COL21A1: variants seen among roughly 807,000 people sequenced by gnomAD.
COL21A1 encodes collagen alpha-1(XXI) chain.
A neutral mutation model predicts 137.9 loss-of-function variants in COL21A1; 149 were observed. The ratio of observed to expected loss-of-function variants is 1.08; its 90% CI spans 0.95 to 1.24. The LOEUF is 1.24. Among genes scored for constraint, COL21A1 ranks in the 50% most tolerant of loss-of-function variants. The pLI is 0.00. For missense variants in COL21A1, 1,167 were observed against 1,158.4 expected (o/e 1.01, Z -0.11); for synonymous variants, 456 against 391.5 (o/e 1.16, Z -1.95).
chr6:56,108,652 C>T (rs925591158), intron 16 of COL21A1, among the ~76,000 whole-genome samples: 1 of 151,744 alleles, frequency 6.6e-6, no homozygotes, highest in Non-Finnish European at 1.5e-5. Flanking sequence ...AATAATAGGA[C>T]ACTAATATAC....
intron 1 of COL21A1, among the ~76,000 whole-genome samples, chr6:56,194,997 T>A (rs530153563): frequency 1.1e-3 from 164 of 152,186 alleles, no homozygotes; most frequent in African/African-American, 3.8e-3. Context: ...AGAATAGGAA[T>A]GGGACTGGTG....
intron 9 of COL21A1, among the ~76,000 whole-genome samples, chr6:56,164,118 G>C (rs1008061455): frequency 6.6e-6 from 1 of 152,118 alleles, no homozygotes; most frequent in Non-Finnish European, 1.5e-5. Flanking sequence ...TTTTTTACCA[G>C]ATTGTAAGGA....
chr6:56,109,264 A>T (rs1024171207), intron 16 of COL21A1, among the ~76,000 whole-genome samples: 1 of 151,818 alleles, frequency 6.6e-6, no homozygotes, highest in Non-Finnish European at 1.5e-5. Flanking sequence ...GGATCTTTGA[A>T]AAAATCCAAC....
At chr6:56,234,560 A>G (rs1781784605) in intron 1 of COL21A1, among the ~76,000 whole-genome samples, 1 of 151,876 alleles carries the variant, frequency 6.6e-6, no homozygotes, top group African/African-American at 2.4e-5. Flanking sequence ...CTTCATAATC[A>G]ATACAAAAGG....
chr6:56,245,535 A>G (rs1274275126), intron 1 of COL21A1, among the ~76,000 whole-genome samples: 2 of 152,250 alleles, frequency 1.3e-5, no homozygotes, highest in Admixed American at 1.3e-4. Context: ...TGGTGTGTAT[A>G]CATGAGTTTG....
At chr6:56,127,531 C>T (rs1773145590) in intron 12 of COL21A1, among the ~76,000 whole-genome samples, 3 of 152,076 alleles carry the variant, frequency 2.0e-5, no homozygotes. Context: ...ATATAATATC[C>T]AATGGCTTCC....
chr6:56,179,821 G>A lies in COL21A1; in HGVS notation c.397C>T (p.Arg133Ter), dbSNP rs749746863. Residue 133 changes from arginine (R) to a stop codon, truncating the protein, a stop_gained, in exon 3 of 30, where the codon CGA becomes TGA. Coordinates refer to ENST00000244728, the MANE Select transcript of COL21A1 (RefSeq NM_030820.4). LOFTEE classifies it high-confidence loss of function. ...ALDYLFAKSS[R>*]FLTKIAVVLT... ...ACCACTGCTATCTTAGTCAGAAATC[G>A]TGAGGACTTGGCAAAAAGGTAATCG... 1.5e-5 allele frequency: 25 copies of A among 1,613,794 alleles called. No homozygotes were observed. Among genetic ancestry groups the A allele is most frequent in the South Asian group, 3.3e-5 (3 of 91,088 alleles).
At chr6:56,353,393 C>T (rs1361565906) in intron 1 of COL21A1, among the ~76,000 whole-genome samples, 2 of 152,124 alleles carry the variant, frequency 1.3e-5, no homozygotes, top group Non-Finnish European at 2.9e-5. Flanking sequence ...CCCACCACTT[C>T]CAGCTTCCAG....
At chr6:56,256,337 A>G (rs1163854062) in intron 1 of COL21A1, among the ~76,000 whole-genome samples, 1 of 152,182 alleles carries the variant, frequency 6.6e-6, no homozygotes, top group Non-Finnish European at 1.5e-5. Context: ...GAGATGAAAA[A>G]TACTCATCTC....
At chr6:56,358,044 T>C (rs1205189882) in intron 1 of COL21A1, among the ~76,000 whole-genome samples, 1 of 152,186 alleles carries the variant, frequency 6.6e-6, no homozygotes, top group Non-Finnish European at 1.5e-5. Context: ...TAGCTAAGCC[T>C]AATACAGCTC....
chr6:56,127,328 C>A (rs978376413), intron 12 of COL21A1, among the ~76,000 whole-genome samples: 5 of 152,128 alleles, frequency 3.3e-5, no homozygotes, highest in African/African-American at 4.8e-5. Flanking sequence ...TCAAATATGG[C>A]CATTTTAATC....
intron 1 of COL21A1, among the ~76,000 whole-genome samples, chr6:56,189,843 C>T (rs569171003): frequency 6.6e-6 from 1 of 152,236 alleles, no homozygotes; most frequent in African/African-American, 2.4e-5. Flanking sequence ...GAATTTTCAA[C>T]CCAGAATTTC....
intron 9 of COL21A1, among the ~76,000 whole-genome samples, chr6:56,158,618 C>A (rs1017536413): frequency 3.9e-5 from 6 of 151,944 alleles, no homozygotes; most frequent in African/African-American, 1.2e-4. Flanking sequence ...AAATCAGTCA[C>A]CTACCCTGTG....
At chr6:56,092,138 G>T (rs979645854) in intron 17 of COL21A1, among the ~76,000 whole-genome samples, 9 of 151,852 alleles carry the variant, frequency 5.9e-5, no homozygotes, top group Middle Eastern at 3.4e-3. Context: ...TCAAAATCTA[G>T]GCCTCAATTG....
intron 1 of COL21A1, among the ~76,000 whole-genome samples, chr6:56,338,726 C>T (rs1262933069): frequency 6.6e-6 from 1 of 152,152 alleles, no homozygotes; most frequent in African/African-American, 2.4e-5. Flanking sequence ...AAGAGATTCT[C>T]TTGGAGCCTC....
intron 1 of COL21A1, among the ~76,000 whole-genome samples, chr6:56,309,609 G>A (rs879583685): frequency 2.6e-5 from 4 of 152,306 alleles, no homozygotes; most frequent in East Asian, 1.9e-4. Flanking sequence ...CAGTGACTAT[G>A]AGCCAGGTAG....
intron 1 of COL21A1, among the ~76,000 whole-genome samples, chr6:56,202,711 TAC>T (rs1779491973): frequency 6.6e-6 from 1 of 152,316 alleles, no homozygotes; most frequent in Admixed American, 6.5e-5. Flanking sequence ...GATTGGGTTG[TAC>T]ACTATATTAC....
At chr6:56,280,212 C>T (rs1359062262) in intron 1 of COL21A1, among the ~76,000 whole-genome samples, 2 of 152,164 alleles carry the variant, frequency 1.3e-5, no homozygotes, top group Non-Finnish European at 2.9e-5. Context: ...ACAAGCTTTT[C>T]CTGTGGGATT....
intron 16 of COL21A1, among the ~76,000 whole-genome samples, chr6:56,116,396 T>TTA (rs1554138349): frequency 9.9e-5 from 9 of 90,818 alleles, no homozygotes; most frequent in South Asian, 4.5e-4. Flanking sequence ...GTGCCAAAGG[T>TTA]AAAAAAAAAA....
Sources: allele counts gnomAD v4.1 joint callset (sites outside exome capture counted in the v4.1 genomes callset), GRCh38; gene constraint gnomAD v4.1.1; transcripts MANE v1.5; gene names NCBI Gene and HGNC (gene_info 2026-07-23, HGNC 2026-07-21).